GABBR2: variants seen among roughly 807,000 people sequenced by gnomAD.
GABBR2 encodes the protein gamma-aminobutyric acid type B receptor subunit 2.
GABBR2 carries 23 observed loss-of-function variants against 105.6 expected under a neutral mutation model. The observed-to-expected ratio is 0.22, with a 90% CI of 0.16 to 0.31. The LOEUF (loss-of-function observed/expected upper bound fraction) is 0.31. Among genes scored for constraint, GABBR2 ranks in the 10% least tolerant of loss-of-function variants. GABBR2 has a pLI of 1.00. For synonymous variants in GABBR2, 478 were observed against 499.7 expected, an observed-to-expected ratio of 0.96 and a Z score of 0.58; for missense variants, 734 against 1,245.5, an observed-to-expected ratio of 0.59 and a Z score of 6.18.
chr9:98,356,530 G>A (rs1464400890), intron 13 of GABBR2, among the ~76,000 whole-genome samples: 1 of 152,192 alleles, frequency 6.6e-6, no homozygotes, highest in Non-Finnish European at 1.5e-5. Flanking sequence ...GCAAGGATGT[G>A]GAGCAACAGG....
chr9:98,391,060 T>C (rs1340540325), intron 9 of GABBR2, among the ~76,000 whole-genome samples: 3 of 152,160 alleles, frequency 2.0e-5, no homozygotes, highest in Admixed American at 2.0e-4. Flanking sequence ...ATCCATTCAT[T>C]GCCATTCACT....
At chr9:98,418,184 G>T (rs770311750) in intron 7 of GABBR2, among the ~76,000 whole-genome samples, 1 of 152,168 alleles carries the variant, frequency 6.6e-6, no homozygotes, top group South Asian at 2.1e-4. Flanking sequence ...CAGCCAGTGG[G>T]AAGCTGTGGA....
chr9:98,334,405 T>C (rs554917674), intron 13 of GABBR2, among the ~76,000 whole-genome samples: 1 of 152,284 alleles, frequency 6.6e-6, no homozygotes, highest in South Asian at 2.1e-4. Context: ...TTGGGCTGGG[T>C]TCCAGTTCTC....
intron 7 of GABBR2, among the ~76,000 whole-genome samples, chr9:98,411,087 C>A (rs186706526): frequency 9.2e-4 from 140 of 152,204 alleles, no homozygotes; most frequent in African/African-American, 3.2e-3. Flanking sequence ...GACCACAGAG[C>A]AGATTTGGAA....
chr9:98,558,163 G>A (rs1000771242), intron 2 of GABBR2, among the ~76,000 whole-genome samples: 1 of 152,168 alleles, frequency 6.6e-6, no homozygotes, highest in Non-Finnish European at 1.5e-5. Context: ...TGGCCTAAGC[G>A]ATAGCTTTGC....
chr9:98,562,547 A>C (rs771968164), intron 2 of GABBR2, among the ~76,000 whole-genome samples: 2 of 152,200 alleles, frequency 1.3e-5, no homozygotes, highest in Non-Finnish European at 2.9e-5. Context: ...TGTGCAAACT[A>C]ATATCACATG....
intron 13 of GABBR2, among the ~76,000 whole-genome samples, chr9:98,348,413 C>T (rs1831336314): frequency 6.6e-6 from 1 of 152,166 alleles, no homozygotes; most frequent in African/African-American, 2.4e-5. Context: ...CTTGGCTATT[C>T]AGGGTCTTTT....
intron 1 of GABBR2, among the ~76,000 whole-genome samples, chr9:98,704,154 A>C (rs1409475757): frequency 1.3e-5 from 2 of 152,194 alleles, no homozygotes; most frequent in Non-Finnish European, 2.9e-5. Context: ...GGTGCTCAGT[A>C]AACACCTGCT....
chr9:98,658,923 T>G (rs1410979674), intron 1 of GABBR2, among the ~76,000 whole-genome samples: 2 of 152,296 alleles, frequency 1.3e-5, no homozygotes, highest in African/African-American at 2.4e-5. Context: ...GCTCTGAAAT[T>G]TAAGACTTTC....
At chr9:98,403,313 A>AC (rs1832431129) in intron 8 of GABBR2, among the ~76,000 whole-genome samples, 1 of 151,532 alleles carries the variant, frequency 6.6e-6, no homozygotes, top group Admixed American at 6.6e-5. Flanking sequence ...AAAAAAAAAA[A>AC]AAATCATGTA....
At chr9:98,314,620 A>G (rs1300082884) in intron 13 of GABBR2, among the ~76,000 whole-genome samples, 1 of 152,136 alleles carries the variant, frequency 6.6e-6, no homozygotes, top group Non-Finnish European at 1.5e-5. Flanking sequence ...CCGGTGAGGT[A>G]GTACACAGTG....
chr9:98,512,150 C>CA (rs1440406699), intron 3 of GABBR2, among the ~76,000 whole-genome samples: 3 of 148,658 alleles, frequency 2.0e-5, no homozygotes, highest in Non-Finnish European at 3.0e-5. Context: ...GAACCAAAGA[C>CA]AAAAACCACA....
intron 2 of GABBR2, among the ~76,000 whole-genome samples, chr9:98,562,961 T>C (rs1035610476): frequency 3.3e-5 from 5 of 149,400 alleles, no homozygotes; most frequent in African/African-American, 1.2e-4. Flanking sequence ...TCCCAGCTAC[T>C]TGGGGGGCTG....
intron 17 of GABBR2, 82 bp downstream of exon 17, chr9:98,299,142 T>A: frequency 8.2e-7 from 1 of 1,219,982 alleles, no homozygotes; most frequent in Non-Finnish European, 1.2e-6. Context: ...AGCCTCAGTT[T>A]CTTCATCTAA....
chr9:98,374,601 G>A (rs966981885), intron 11 of GABBR2, among the ~76,000 whole-genome samples: 1 of 152,148 alleles, frequency 6.6e-6, no homozygotes, highest in South Asian at 2.1e-4. Flanking sequence ...GTAGGCAGAC[G>A]GTGTCGACAT....
At chr9:98,614,969 C>G (rs181863769) in intron 1 of GABBR2, among the ~76,000 whole-genome samples, 1 of 152,366 alleles carries the variant, frequency 6.6e-6, no homozygotes, top group East Asian at 1.9e-4. Flanking sequence ...TTCTCTCAAC[C>G]TGGAACAGCT....
At chr9:98,580,854 C>A (rs1588237580) in intron 1 of GABBR2, among the ~76,000 whole-genome samples, 1 of 152,312 alleles carries the variant, frequency 6.6e-6, no homozygotes, top group East Asian at 1.9e-4. Context: ...TACACTTCCA[C>A]GTTCTCTCCT....
intron 9 of GABBR2, among the ~76,000 whole-genome samples, chr9:98,390,616 T>G (rs184625739): frequency 6.6e-6 from 1 of 152,090 alleles, no homozygotes; most frequent in African/African-American, 2.4e-5. Context: ...TAACATCATT[T>G]CTTGCTTCCA....
At chr9:98,594,571 C>T (rs1310070936) in intron 1 of GABBR2, among the ~76,000 whole-genome samples, 1 of 152,198 alleles carries the variant, frequency 6.6e-6, no homozygotes, top group Non-Finnish European at 1.5e-5. Flanking sequence ...ATTGAGGCAG[C>T]AGTTTGGGAC....
Sources: allele counts gnomAD v4.1 joint callset (sites outside exome capture counted in the v4.1 genomes callset), GRCh38; gene constraint gnomAD v4.1.1; transcripts MANE v1.5; gene names NCBI Gene and HGNC (gene_info 2026-07-23, HGNC 2026-07-21).